Variants in DOCK11 observed in about 807,000 individuals in gnomAD.
The protein encoded by DOCK11 is dedicator of cytokinesis 11.
DOCK11 carries 70 observed loss-of-function variants against 169.1 expected under a neutral mutation model. The ratio of observed to expected loss-of-function variants is 0.41; its 90% CI spans 0.34 to 0.51. The LOEUF (loss-of-function observed/expected upper bound fraction) is 0.51, where lower values mean the gene tolerates loss of function less well. DOCK11 is among the 20% of genes least tolerant of loss of function. The pLI, the probability that DOCK11 is intolerant of heterozygous loss-of-function variation, is 0.10. For synonymous variants in DOCK11, 529 were observed against 541.3 expected, an observed-to-expected ratio of 0.98 and a Z score of 0.32; for missense variants, 1,166 against 1,538.8, an observed-to-expected ratio of 0.76 and a Z score of 4.05.
rs752733684 is a variant in DOCK11 at position 118,610,278 on chromosome X, C to G, written c.2956C>G (p.Arg986Gly). Residue 986 changes from arginine to glycine, a missense_variant, in exon 28 of 53, where the codon CGA becomes GGA. Arg to Gly is a moderately radical substitution (Grantham distance 125). Coordinates refer to ENST00000276202, the MANE Select transcript of DOCK11 (RefSeq NM_144658.4). ...TGTGCCTATTTCATTTCAGCTTCCC[C>G]GAGGCCAGAGATTTCCCGAGACATA... ...LLEENKIKLP[R>G]GQRFPETYHH... 5.8e-6 allele frequency: 7 copies of G among 1,211,040 alleles called. No homozygotes were observed. The East Asian group carries it at 1.8e-4, about 31-fold the overall frequency.
intron 44 of DOCK11, 119 bp from the exon 45 acceptor site, chrX:118,662,567 G>A (rs2016241930): frequency 2.4e-6 from 1 of 412,149 alleles, no homozygotes; most frequent in African/African-American, 2.5e-5. Flanking sequence ...TTGTACTTAA[G>A]ACTTTGATTC....
chrX:118,528,739 T>C (rs936130854), intron 1 of DOCK11, among the ~76,000 whole-genome samples: 2 of 102,851 alleles, frequency 1.9e-5, no homozygotes. Flanking sequence ...CAACACTGCA[T>C]GGCCTTTGGA....
At chrX:118,651,814 C>T (rs1484665987) in intron 41 of DOCK11, 150 bp from the exon 42 acceptor site, 1 of 343,225 alleles carries the variant, frequency 2.9e-6, no homozygotes, top group Admixed American at 5.3e-5. Context: ...AATGTAAACC[C>T]CTCATGTATG....
chrX:118,619,167 T>G (rs1207412700), intron 31 of DOCK11, among the ~76,000 whole-genome samples: 1 of 108,672 alleles, frequency 9.2e-6, no homozygotes, highest in Non-Finnish European at 1.9e-5. Context: ...CCTCAAAACA[T>G]TAGGTTTTTA....
At chrX:118,504,403 T>C (rs1221359064) in intron 1 of DOCK11, among the ~76,000 whole-genome samples, 1 of 111,339 alleles carries the variant, frequency 9.0e-6, no homozygotes. Flanking sequence ...TGGCGTTCTC[T>C]TACTTGACCT....
rs1336782263 is a variant in DOCK11 at position 118,654,544 on chromosome X, C to A, written c.4696-58C>A. ...TATGTCCTCAGCATTGGATGACAAG[C>A]CTTAGAGCACATCGATATTGTTGTT... On this transcript the variant is annotated intron_variant, in intron 42 of 52. Transcript: ENST00000276202. 1.6e-4 allele frequency: 176 copies of A among 1,096,565 alleles called. 1 individual carries two copies. Among genetic ancestry groups the A allele is most frequent in the Non-Finnish European group, 2.0e-4 (162 of 794,932 alleles). 90.4% of individuals were successfully genotyped at this position (1,096,565 alleles called of 1,213,427 possible).
At chrX:118,578,036 G>A (rs1228284421) in intron 12 of DOCK11, among the ~76,000 whole-genome samples, 1 of 112,155 alleles carries the variant, frequency 8.9e-6, no homozygotes, top group Non-Finnish European at 1.9e-5. Flanking sequence ...TGGATTCTCT[G>A]TCTCCTACCT....
chrX:118,640,460 C>A (rs1433391815), intron 38 of DOCK11, among the ~76,000 whole-genome samples: 1 of 112,409 alleles, frequency 8.9e-6, no homozygotes, highest in Non-Finnish European at 1.9e-5. Context: ...CAGTTGCCTC[C>A]AAGATACCTT....
Position 118,573,970 on chromosome X carries a change from A to G in DOCK11, c.1341A>G (p.Glu447=). 1 of 1,212,137 alleles carries G rather than the reference A, an allele frequency of 8.2e-7. No individual in the cohort carries two copies. The highest frequency in any genetic ancestry group is 1.1e-6 in the Non-Finnish European group (1 of 895,597). ...GTAGCCCAAAGGGCTCTTCACCCGA[A>G]TCTTACATTCATGGAATTGCCGAAT... is the stretch of plus-strand genomic sequence containing the variant. ...SDGSPKGSSP[E]SYIHGIAESQ... Residue 447 remains glutamate, a synonymous_variant, in exon 12 of 53, where the codon GAA becomes GAG. Coordinates refer to ENST00000276202, the MANE Select transcript of DOCK11 (RefSeq NM_144658.4).
chrX:118,670,619 A>G (rs1173801628), intron 45 of DOCK11, among the ~76,000 whole-genome samples: 1 of 112,070 alleles, frequency 8.9e-6, no homozygotes, highest in African/African-American at 3.2e-5. Context: ...AAATTTTCTT[A>G]AGACTAATAT....
chrX:118,669,637 G>A lies in DOCK11; in HGVS notation c.5077-1386G>A, dbSNP rs988018933. Among the ~76,000 whole-genome samples the A allele has an allele frequency of 8.9e-5, 10 of 111,908 alleles. No homozygotes were observed. The South Asian group carries it at 1.5e-3, about 16-fold the overall frequency. On this transcript the variant is annotated intron_variant, in intron 45 of 52. Transcript: ENST00000276202. ...TCCACCTCCTAATACCATCCCCTTG[G>A]GGGTTAGGATTTTAACATACGCATT...
At position 118,681,152 on chromosome X, in the gene DOCK11, A is replaced by G; in HGVS notation, c.5766A>G (p.Ile1922Met). The G allele has an allele frequency of 8.3e-7, 1 of 1,208,975 alleles. No homozygotes were observed. Among genetic ancestry groups the G allele is most frequent in the South Asian group, 1.8e-5 (1 of 56,342 alleles). The change falls in exon 50 of 53, where the codon ATA (isoleucine) becomes ATG (methionine). Residue 1922 changes from isoleucine to methionine, a missense_variant. Transcript: ENST00000276202. ...CAATTGATGTTGCCACTGATGAAAT[A>G]AAAGATAAAACTGCAGAGCTGCAAA... ...LKPIDVATDEIKDKTAELQKL... is the reference protein window; with the variant it reads ...LKPIDVATDEMKDKTAELQKL...
intron 1 of DOCK11, among the ~76,000 whole-genome samples, chrX:118,501,485 CA>C (rs1453423000): frequency 2.7e-5 from 3 of 111,687 alleles, no homozygotes; most frequent in East Asian, 2.8e-4. Flanking sequence ...TACTCCGACT[CA>C]AAAAAAGTAA....
rs149016964 is a variant in DOCK11, at chrX:118,588,475, A to G, written c.2043A>G (p.Leu681=). 2.9e-5 allele frequency: 34 copies of G among 1,177,446 alleles called. No individual in the cohort carries two copies. In the African/African-American group the frequency reaches 5.5e-4, roughly 19 times the overall value. The change falls in exon 18 of 53, where the codon CTA becomes CTG. Residue 681 remains leucine, a synonymous_variant. Coordinates refer to ENST00000276202, the MANE Select transcript of DOCK11 (RefSeq NM_144658.4). ...RDSDESDASA[L]KCIYGKPAGS... The stretch of plus-strand genomic sequence containing the variant: ...CAGATGAAAGTGACGCTAGTGCCCT[A>G]AAGGTTTGTTTATGATATTGATAGG...
chrX:118,509,486 A>G (rs747422057), intron 1 of DOCK11, among the ~76,000 whole-genome samples: 2 of 110,210 alleles, frequency 1.8e-5, no homozygotes, highest in South Asian at 3.8e-4. Flanking sequence ...CTGGTCTCGA[A>G]CTCCTGACCT....
chrX:118,683,699 T>C (rs1291633426), intron 52 of DOCK11, among the ~76,000 whole-genome samples: 1 of 112,410 alleles, frequency 8.9e-6, no homozygotes, highest in Non-Finnish European at 1.9e-5. Context: ...ATTATTCAAA[T>C]TGAAAACAAA....
At chrX:118,637,386 A>G (rs969846009) in intron 36 of DOCK11, among the ~76,000 whole-genome samples, 1 of 111,693 alleles carries the variant, frequency 9.0e-6, no homozygotes, top group Admixed American at 9.6e-5. Flanking sequence ...TTAATAATAT[A>G]AAGTATTTTA....
intron 48 of DOCK11, 73 bp downstream of exon 48, chrX:118,676,810 C>A: frequency 2.1e-6 from 2 of 938,298 alleles, no homozygotes; most frequent in South Asian, 3.3e-5. Context: ...TGACTTTTTC[C>A]TTTTTTAACT....
At position 118,654,887 on chromosome X, in the gene DOCK11, C is replaced by T. The variant is rs1252004358; in HGVS notation, c.4912-17C>T. ...TGAGCATGTTCTGACAGTTCTTTCT[C>T]TGTCATCCTTTTTCAGGCTGCGATG... On this transcript the variant is annotated splice_polypyrimidine_tract_variant and intron_variant, in intron 43 of 52. Coordinates refer to ENST00000276202, the MANE Select transcript of DOCK11 (RefSeq NM_144658.4). 8.3e-7 allele frequency: 1 copy of T among 1,209,381 alleles called. No homozygotes were observed. Among genetic ancestry groups the T allele is most frequent in the East Asian group, 3.0e-5 (1 of 33,798 alleles).
Sources: gnomAD v4.1 joint callset for allele counts (sites outside exome capture counted in the v4.1 genomes callset) on GRCh38, gnomAD v4.1.1 for gene constraint, MANE v1.5 for transcripts, NCBI Gene and HGNC (gene_info 2026-07-23, HGNC 2026-07-21) for gene names.